Variants in ABTB2 observed in about 807,000 individuals in gnomAD.
ABTB2 encodes the protein ankyrin repeat and BTB domain containing 2.
Under a neutral mutation model 104.1 loss-of-function variants are expected in ABTB2, and 56 were observed. The observed-to-expected ratio is 0.54, with a 90% CI of 0.43 to 0.67. The LOEUF is 0.67. Ranked by LOEUF, ABTB2 falls within the 30% of genes least tolerant of loss-of-function variation. ABTB2 has a pLI of 0.00. For synonymous variants in ABTB2, 606 were observed against 608.2 expected (o/e 1.00, Z 0.05); for missense variants, 1,279 against 1,407.7 (o/e 0.91, Z 1.46).
chr11:34,357,175 T>C lies in ABTB2; in HGVS notation c.409A>G (p.Ile137Val). The change falls in exon 1 of 17, where the codon ATC (isoleucine) becomes GTC (valine). Residue 137 changes from isoleucine (I) to valine (V), a missense_variant. Ile to Val is a conservative substitution (Grantham distance 29). Coordinates refer to ENST00000435224, the MANE Select transcript of ABTB2 (RefSeq NM_145804.3). ...RLAGLLRRAL[I>V]RVAREAQRLS... ...CGCTGCGCCTCGCGGGCCACGCGGA[T>C]CAGTGCCCTGCGGAGCAGCCCGGCC... 6.6e-7 allele frequency: 1 copy of C among 1,507,916 alleles called. No homozygotes were observed. Among genetic ancestry groups the C allele is most frequent in the Non-Finnish European group, 8.8e-7 (1 of 1,136,428 alleles). 93.4% of individuals were successfully genotyped at this position (1,507,916 alleles called of 1,614,324 possible).
At chr11:34,206,329 G>T (rs943046503) in intron 1 of ABTB2, among the ~76,000 whole-genome samples, 2 of 152,152 alleles carry the variant, frequency 1.3e-5, no homozygotes, top group Non-Finnish European at 2.9e-5. Flanking sequence ...TTTGCAGTGA[G>T]CTGAGATCAC....
chr11:34,353,244 A>G (rs968396456), intron 1 of ABTB2, among the ~76,000 whole-genome samples: 2 of 152,168 alleles, frequency 1.3e-5, no homozygotes, highest in African/African-American at 4.8e-5. Context: ...AAGAATCTAG[A>G]AATTGAGGAA....
At chr11:34,315,882 C>T (rs997094123) in intron 1 of ABTB2, among the ~76,000 whole-genome samples, 2 of 152,200 alleles carry the variant, frequency 1.3e-5, no homozygotes, top group South Asian at 2.1e-4. Context: ...AGGCATCTAC[C>T]CCTCACAGTG....
intron 1 of ABTB2, among the ~76,000 whole-genome samples, chr11:34,318,274 G>GT (rs1201283673): frequency 6.6e-6 from 1 of 152,022 alleles, no homozygotes; most frequent in Non-Finnish European, 1.5e-5. Flanking sequence ...CTGGCTCCAC[G>GT]TTTTTTGGTT....
intron 1 of ABTB2, among the ~76,000 whole-genome samples, chr11:34,220,300 G>A (rs1047719601): frequency 9.2e-5 from 14 of 152,162 alleles, no homozygotes; most frequent in African/African-American, 3.4e-4. Context: ...CTGACATGCC[G>A]TTCTGTCTCG....
chr11:34,298,100 TA>T (rs201250549), intron 1 of ABTB2, among the ~76,000 whole-genome samples: 3,056 of 148,490 alleles, frequency 0.021, 43 homozygotes, highest in African/African-American at 0.041. Flanking sequence ...TTTTTTTTTT[TA>T]AATAAATTAC....
intron 3 of ABTB2, among the ~76,000 whole-genome samples, chr11:34,175,797 G>A (rs1002420769): frequency 2.6e-5 from 4 of 152,134 alleles, no homozygotes; most frequent in Admixed American, 6.5e-5. Flanking sequence ...ATCTCCTGCC[G>A]TGACTCACCC....
chr11:34,281,033 T>C (rs769425614), intron 1 of ABTB2, among the ~76,000 whole-genome samples: 1 of 152,180 alleles, frequency 6.6e-6, no homozygotes, highest in Non-Finnish European at 1.5e-5. Flanking sequence ...GTGGTCATAG[T>C]TGCCTTAAAT....
At chr11:34,158,378 A>T (rs555309908) in intron 14 of ABTB2, among the ~76,000 whole-genome samples, 2 of 152,144 alleles carry the variant, frequency 1.3e-5, no homozygotes, top group African/African-American at 2.4e-5. Context: ...ATGCCACTGC[A>T]CTCCAGCCTG....
chr11:34,305,941 T>C (rs1232009488), intron 1 of ABTB2, among the ~76,000 whole-genome samples: 1 of 152,204 alleles, frequency 6.6e-6, no homozygotes, highest in Non-Finnish European at 1.5e-5. Context: ...TTATCTAATA[T>C]CAATCCACAT....
In ABTB2 at chr11:34,356,446, T is replaced by C. The variant is rs1237493081; in HGVS notation, c.883+255A>G. On this transcript the variant is annotated intron_variant, in intron 1 of 16. Transcript: ENST00000435224. The surrounding 1 kb of genome is among the most constrained non-coding windows in gnomAD (Gnocchi z 4.6). ...AAGAGATTCAATCTCACCCAATCAA[T>C]GAACAGCCCGCAGATAGTAACAATG... 6.6e-6 allele frequency among the ~76,000 whole-genome samples: 1 copy of C among 152,170 alleles called. No individual in the cohort carries two copies. Among genetic ancestry groups the C allele is most frequent in the Admixed American group, 6.5e-5 (1 of 15,280 alleles).
chr11:34,224,324 C>T (rs1357100181), intron 1 of ABTB2, among the ~76,000 whole-genome samples: 1 of 152,064 alleles, frequency 6.6e-6, no homozygotes, highest in African/African-American at 2.4e-5. Flanking sequence ...TTTAATTTTT[C>T]ATAGCAATGG....
intron 1 of ABTB2, among the ~76,000 whole-genome samples, chr11:34,259,075 T>C (rs1854157863): frequency 6.6e-6 from 1 of 152,226 alleles, no homozygotes; most frequent in South Asian, 2.1e-4. Flanking sequence ...TCAATGTATG[T>C]TTGCTGCTAT....
intron 1 of ABTB2, among the ~76,000 whole-genome samples, chr11:34,339,676 G>A (rs1218685909): frequency 3.3e-5 from 5 of 151,932 alleles, no homozygotes; most frequent in East Asian, 1.9e-4. Context: ...ATCATTTCTC[G>A]GTGCCATTTG....
chr11:34,163,884 G>C (rs1852757025), intron 9 of ABTB2, among the ~76,000 whole-genome samples: 1 of 152,170 alleles, frequency 6.6e-6, no homozygotes, highest in African/African-American at 2.4e-5. Flanking sequence ...AGGCCTCCAT[G>C]GGGGATGCAG....
intron 1 of ABTB2, among the ~76,000 whole-genome samples, chr11:34,277,720 T>C (rs1048692906): frequency 3.3e-5 from 5 of 150,450 alleles, no homozygotes; most frequent in African/African-American, 1.2e-4. Flanking sequence ...GCAGAGCTTA[T>C]AATGAGCACT....
intron 1 of ABTB2, among the ~76,000 whole-genome samples, chr11:34,312,100 C>T (rs59629029): frequency 0.12 from 17,501 of 146,626 alleles, 1,367 homozygotes; most frequent in African/African-American, 0.22. Context: ...GAGTTTGTGC[C>T]ATTGCACTCC....
chr11:34,185,962 C>T (rs1270552528), intron 3 of ABTB2, among the ~76,000 whole-genome samples: 1 of 152,190 alleles, frequency 6.6e-6, no homozygotes, highest in African/African-American at 2.4e-5. Context: ...TATTATGTGT[C>T]AATTATAAAC....
intron 1 of ABTB2, among the ~76,000 whole-genome samples, chr11:34,238,848 G>C (rs948304481): frequency 1.3e-5 from 2 of 152,136 alleles, no homozygotes; most frequent in African/African-American, 4.8e-5. Flanking sequence ...TGGCCTCCCG[G>C]GTTCATGCCA....
Sources: gnomAD v4.1 joint callset for allele counts (sites outside exome capture counted in the v4.1 genomes callset) on GRCh38, gnomAD v4.1.1 for gene constraint, Gnocchi (gnomAD v3.1) non-coding constraint, MANE v1.5 for transcripts, NCBI Gene and HGNC (gene_info 2026-07-23, HGNC 2026-07-21) for gene names.